Variants in CAMK1D observed in about 807,000 individuals in gnomAD.
CAMK1D encodes calcium/calmodulin dependent protein kinase ID, also known as calcium/calmodulin-dependent protein kinase type 1D.
A neutral mutation model predicts 47.7 loss-of-function variants in CAMK1D; 9 were observed. The ratio of observed to expected loss-of-function variants is 0.19; its 90% confidence interval spans 0.11 to 0.33. The LOEUF is 0.33. CAMK1D is among the 10% of genes least tolerant of loss of function. The pLI is 1.00. For missense variants in CAMK1D, 291 were observed against 488.7 expected, an observed-to-expected ratio of 0.60 and a Z score of 3.81; for synonymous variants, 184 against 184.9, an observed-to-expected ratio of 0.99 and a Z score of 0.04.
At chr10:12,570,680 C>CAAAAAAAA (rs35160242) in intron 2 of CAMK1D, among the ~76,000 whole-genome samples, 1 of 84,572 alleles carries the variant, frequency 1.2e-5, no homozygotes, top group African/African-American at 4.0e-5. Flanking sequence ...AACTCCATCT[C>CAAAAAAAA]AAAAAAAAAA....
At chr10:12,630,776 C>T (rs943025295) in intron 2 of CAMK1D, among the ~76,000 whole-genome samples, 4 of 152,026 alleles carry the variant, frequency 2.6e-5, no homozygotes, top group Non-Finnish European at 4.4e-5. Context: ...TCACGTCCTC[C>T]GTACCTCCCT....
At chr10:12,644,120 T>A (rs887376499) in intron 2 of CAMK1D, among the ~76,000 whole-genome samples, 2 of 152,102 alleles carry the variant, frequency 1.3e-5, no homozygotes, top group African/African-American at 4.8e-5. Flanking sequence ...CCTGTCCTGG[T>A]CCATGGAAAA....
intron 1 of CAMK1D, among the ~76,000 whole-genome samples, chr10:12,394,316 C>A (rs985825972): frequency 6.6e-6 from 1 of 152,194 alleles, no homozygotes; most frequent in Non-Finnish European, 1.5e-5. Context: ...ACTCCCCAGA[C>A]CTCTCCAATT....
chr10:12,381,345 T>C (rs1056262684), intron 1 of CAMK1D, among the ~76,000 whole-genome samples: 83 of 149,186 alleles, frequency 5.6e-4, no homozygotes, highest in African/African-American at 2.0e-3. Context: ...ATGCTTTCTT[T>C]TTTTTTTTTT....
At chr10:12,648,815 G>A (rs996443796) in intron 2 of CAMK1D, among the ~76,000 whole-genome samples, 3 of 152,100 alleles carry the variant, frequency 2.0e-5, no homozygotes, top group Non-Finnish European at 2.9e-5. Flanking sequence ...TTTTTAGTAC[G>A]TGTAGAAATC....
rs977974157 is a variant in CAMK1D at position 12,829,675 on chromosome 10, G to C, written c.*788G>C. The C allele has an allele frequency of 1.3e-5, 2 of 151,570 alleles. No homozygotes were observed. Among genetic ancestry groups the C allele is most frequent in the African/African-American group, 4.9e-5 (2 of 41,080 alleles). The allele number at this position is 151,570 out of a possible 1,614,324, so 9.4% of individuals were successfully genotyped here. A position where few individuals can be genotyped will look rare whatever the true frequency, so the allele number is the denominator to read the frequency against. ...TTGAACCCGGGAGACGGAGGTTGCA[G>C]TGAGCTGAGATCGTGCCACTGCACT... On this transcript the variant is annotated 3_prime_UTR_variant, in exon 11 of 11. Transcript: ENST00000619168.
intron 1 of CAMK1D, among the ~76,000 whole-genome samples, chr10:12,382,856 T>A (rs924245703): frequency 6.6e-6 from 1 of 151,926 alleles, no homozygotes; most frequent in South Asian, 2.1e-4. Context: ...TGACTTCAAG[T>A]AATAATAGCA....
intron 2 of CAMK1D, among the ~76,000 whole-genome samples, chr10:12,568,533 C>T (rs1275440987): frequency 1.5e-5 from 2 of 134,514 alleles, no homozygotes; most frequent in East Asian, 4.2e-4. Context: ...CTCCCCTCAC[C>T]TTTCTTCCTG....
intron 3 of CAMK1D, among the ~76,000 whole-genome samples, chr10:12,751,050 CAATAAGATAA>C (rs1351650562): frequency 3.8e-5 from 5 of 132,542 alleles, no homozygotes; most frequent in East Asian, 2.3e-4. Context: ...CCGTCTCCCC[CAATAAGATAA>C]GATAAGATAA....
At chr10:12,668,522 G>T (rs988892973) in intron 3 of CAMK1D, among the ~76,000 whole-genome samples, 2 of 152,126 alleles carry the variant, frequency 1.3e-5, no homozygotes, top group African/African-American at 4.8e-5. Flanking sequence ...TATCAGTTTC[G>T]ATAATGGGAA....
intron 3 of CAMK1D, among the ~76,000 whole-genome samples, chr10:12,704,489 C>T (rs753257761): frequency 6.6e-6 from 1 of 151,976 alleles, no homozygotes; most frequent in South Asian, 2.1e-4. Context: ...CTCATGTTTT[C>T]CATCTCTAAG....
chr10:12,415,371 C>T (rs181031726), intron 1 of CAMK1D, among the ~76,000 whole-genome samples: 481 of 151,820 alleles, frequency 3.2e-3, no homozygotes, highest in African/African-American at 0.01. Context: ...TCACTGCAAC[C>T]TCCGCCTCCC....
intron 1 of CAMK1D, among the ~76,000 whole-genome samples, chr10:12,524,665 C>G (rs974472291): frequency 6.6e-6 from 1 of 152,032 alleles, no homozygotes. Context: ...CAAGATGGCA[C>G]CACTGCACTC....
intron 3 of CAMK1D, among the ~76,000 whole-genome samples, chr10:12,689,775 CAAA>C (rs59376242): frequency 1.5e-5 from 2 of 136,330 alleles, no homozygotes; most frequent in African/African-American, 2.7e-5. Flanking sequence ...GACTCCACCT[CAAA>C]AAAAAAAAAA....
chr10:12,368,009 A>G (rs994919917), intron 1 of CAMK1D, among the ~76,000 whole-genome samples: 1 of 152,004 alleles, frequency 6.6e-6, no homozygotes, highest in African/African-American at 2.4e-5. Context: ...TGGCTAACAC[A>G]GTGAAACCCT....
chr10:12,715,021 C>A (rs1251664346), intron 3 of CAMK1D, among the ~76,000 whole-genome samples: 1 of 152,082 alleles, frequency 6.6e-6, no homozygotes, highest in African/African-American at 2.4e-5. Flanking sequence ...ACCAAAGTCC[C>A]CCTACTCTGC....
chr10:12,473,426 T>G (rs1245742621), intron 1 of CAMK1D, among the ~76,000 whole-genome samples: 2 of 151,966 alleles, frequency 1.3e-5, no homozygotes, highest in African/African-American at 4.8e-5. Context: ...AGAGCGAGAC[T>G]CTGACTCAAA....
chr10:12,526,048 G>A (rs1367764467), intron 1 of CAMK1D, among the ~76,000 whole-genome samples: 3 of 152,184 alleles, frequency 2.0e-5, no homozygotes, highest in Non-Finnish European at 2.9e-5. Context: ...GTGAGCCGCC[G>A]CACCCGGCCC....
At chr10:12,756,054 T>C (rs1269888314) in intron 3 of CAMK1D, among the ~76,000 whole-genome samples, 1 of 152,148 alleles carries the variant, frequency 6.6e-6, no homozygotes, top group Non-Finnish European at 1.5e-5. Context: ...TGCCACTACT[T>C]TTTATTACCC....
Sources: gnomAD v4.1 joint callset for allele counts (sites outside exome capture counted in the v4.1 genomes callset) on GRCh38, gnomAD v4.1.1 for gene constraint, MANE v1.5 for transcripts, NCBI Gene and HGNC (gene_info 2026-07-23, HGNC 2026-07-21) for gene names.